The following NAALADL2 variants were observed in gnomAD, a reference collection of about 807,000 sequenced individuals.
NAALADL2 encodes the protein N-acetylated alpha-linked acidic dipeptidase like 2, also known as inactive N-acetylated-alpha-linked acidic dipeptidase-like protein 2.
A neutral mutation model predicts 87.2 loss-of-function variants in NAALADL2; 76 were observed. The observed-to-expected ratio is 0.87, with a 90% CI of 0.72 to 1.05. The LOEUF is 1.05. NAALADL2 is among the 50% of genes least tolerant of loss of function. The probability of loss-of-function intolerance (pLI) is 0.00; values close to 1 mark genes in which losing one functional copy is unlikely to be tolerated. For synonymous variants in NAALADL2, 354 were observed against 331.0 expected, an observed-to-expected ratio of 1.07 and a Z score of -0.75; for missense variants, 1,089 against 945.8, an observed-to-expected ratio of 1.15 and a Z score of -1.99.
intron 4 of NAALADL2, among the ~76,000 whole-genome samples, chr3:175,268,876 C>G (rs1485408882): frequency 6.6e-6 from 1 of 151,888 alleles, no homozygotes; most frequent in Non-Finnish European, 1.5e-5. Context: ...CCTATGATAA[C>G]AATACCTTCT....
intron 2 of NAALADL2, among the ~76,000 whole-genome samples, chr3:174,672,203 A>G (rs564336612): frequency 6.6e-6 from 1 of 152,156 alleles, no homozygotes; most frequent in South Asian, 2.1e-4. Context: ...CATTGGGACA[A>G]TAGCTAAACT....
chr3:175,631,865 T>G (rs1023559963), intron 11 of NAALADL2, among the ~76,000 whole-genome samples: 2 of 152,044 alleles, frequency 1.3e-5, no homozygotes, highest in Admixed American at 6.6e-5. Context: ...GTTTCAACAT[T>G]TATCTCCTAA....
chr3:174,609,842 G>A lies in NAALADL2; in HGVS notation c.-115+59205G>A, dbSNP rs1283696111. Among the ~76,000 whole-genome samples the A allele has an allele frequency of 2.6e-5, 4 of 152,220 alleles. No individual in the cohort carries two copies. The East Asian group carries it at 7.7e-4, about 29-fold the overall frequency. On this transcript the variant is annotated intron_variant, in intron 2 of 3. Coordinates refer to the NAALADL2 transcript ENST00000434257. ...TAAGTTCATATGGAACCAAAAAAGAGCCCGCATCGCCAAGTCAATCCTAAG... is the reference window on the plus strand; with the variant it reads ...TAAGTTCATATGGAACCAAAAAAGAACCCGCATCGCCAAGTCAATCCTAAG...
chr3:175,562,205 G>A (rs1274148584), intron 9 of NAALADL2, among the ~76,000 whole-genome samples: 1 of 152,096 alleles, frequency 6.6e-6, no homozygotes, highest in Non-Finnish European at 1.5e-5. Context: ...AGAAACTATG[G>A]TGGAAATGTT....
chr3:175,394,841 G>A (rs1424870287), intron 5 of NAALADL2, among the ~76,000 whole-genome samples: 3 of 152,132 alleles, frequency 2.0e-5, no homozygotes, highest in Admixed American at 2.0e-4. Context: ...AGTCTGAGGT[G>A]CAACAGCAAA....
intron 9 of NAALADL2, among the ~76,000 whole-genome samples, chr3:175,560,485 A>T (rs1462081965): frequency 6.7e-6 from 1 of 150,310 alleles, no homozygotes; most frequent in Non-Finnish European, 1.5e-5. Context: ...TTCTGCTCTG[A>T]TCTTTATTAT....
At chr3:174,900,860 A>C (rs1181736125) in intron 1 of NAALADL2, among the ~76,000 whole-genome samples, 2 of 152,118 alleles carry the variant, frequency 1.3e-5, no homozygotes, top group Admixed American at 1.3e-4. Flanking sequence ...AGTAAAATAC[A>C]TATCAGTAAG....
intron 3 of NAALADL2, among the ~76,000 whole-genome samples, chr3:174,847,153 C>T (rs1417311922): frequency 6.6e-6 from 1 of 152,118 alleles, no homozygotes; most frequent in Non-Finnish European, 1.5e-5. Flanking sequence ...TACCTAAGCA[C>T]AAAAGAATCT....
chr3:175,492,273 A>G (rs139514494), intron 9 of NAALADL2, among the ~76,000 whole-genome samples: 2 of 152,244 alleles, frequency 1.3e-5, no homozygotes, highest in Admixed American at 1.3e-4. Flanking sequence ...ATTGCTGCTC[A>G]TTCTTTAGTG....
intron 2 of NAALADL2, among the ~76,000 whole-genome samples, chr3:175,231,607 A>T (rs1334208968): frequency 6.6e-6 from 1 of 152,066 alleles, no homozygotes; most frequent in Non-Finnish European, 1.5e-5. Context: ...TTGCACCATA[A>T]AGCAACTGAG....
intron 3 of NAALADL2, among the ~76,000 whole-genome samples, chr3:174,812,497 G>A (rs1720326993): frequency 6.6e-6 from 1 of 152,114 alleles, no homozygotes; most frequent in Non-Finnish European, 1.5e-5. Context: ...CCTGGTTTAT[G>A]TATTTAATAT....
chr3:174,896,377 T>C (rs1481333553), intron 1 of NAALADL2, among the ~76,000 whole-genome samples: 1 of 151,960 alleles, frequency 6.6e-6, no homozygotes, highest in East Asian at 1.9e-4. Flanking sequence ...TTGTTCACAA[T>C]GATGAACAAT....
chr3:175,453,353 C>A lies in NAALADL2; in HGVS notation c.1234+5981C>A, dbSNP rs115772587. Reference sequence around the variant, plus strand: ...CTTTGTGTTTCTATATTCTGCTATTCCTTGCAAGTATCCAATATTTCTCCT... The same window carrying A: ...CTTTGTGTTTCTATATTCTGCTATTACTTGCAAGTATCCAATATTTCTCCT... On this transcript the variant is annotated intron_variant, in intron 6 of 13. Transcript: ENST00000454872. Among the ~76,000 whole-genome samples, 899 of 152,188 alleles carry A rather than the reference C, an allele frequency of 5.9e-3. 13 individuals are homozygous for A. The highest frequency in any genetic ancestry group is 0.02 in the African/African-American group (845 of 41,540).
chr3:174,818,081 G>A (rs935152016), intron 3 of NAALADL2, among the ~76,000 whole-genome samples: 1 of 152,198 alleles, frequency 6.6e-6, no homozygotes, highest in South Asian at 2.1e-4. Flanking sequence ...TGTTAGTACC[G>A]GGTTGCAGGC....
At chr3:174,858,979 G>A (rs146133361), upstream of NAALADL2, among the ~76,000 whole-genome samples, 25 of 152,062 alleles carry the variant, frequency 1.6e-4, no homozygotes, top group Admixed American at 1.3e-3. Context: ...AATAAATGTC[G>A]TGTAATACAC....
intron 13 of NAALADL2, among the ~76,000 whole-genome samples, chr3:175,774,759 T>C (rs531235796): frequency 6.6e-6 from 1 of 152,134 alleles, no homozygotes; most frequent in Admixed American, 6.5e-5. Context: ...GTATAAAGTG[T>C]GCATTTGATT....
chr3:175,562,420 A>G (rs1418833204), intron 9 of NAALADL2, among the ~76,000 whole-genome samples: 3 of 152,052 alleles, frequency 2.0e-5, no homozygotes, highest in African/African-American at 7.2e-5. Flanking sequence ...TATATATTAT[A>G]TGACATATTT....
At chr3:174,751,945 T>C (rs766639477) in intron 3 of NAALADL2, among the ~76,000 whole-genome samples, 1 of 152,072 alleles carries the variant, frequency 6.6e-6, no homozygotes, top group Non-Finnish European at 1.5e-5. Flanking sequence ...TTTAGAAGCA[T>C]TGGAATTGCC....
intron 10 of NAALADL2, among the ~76,000 whole-genome samples, chr3:175,608,423 A>G (rs1459500289): frequency 8.6e-5 from 13 of 151,818 alleles, no homozygotes; most frequent in Non-Finnish European, 1.6e-4. Context: ...TCTGCACAAT[A>G]TGTTCCGTGT....
Sources: gnomAD v4.1 joint callset for allele counts (sites outside exome capture counted in the v4.1 genomes callset) on GRCh38, gnomAD v4.1.1 for gene constraint, MANE v1.5 for transcripts, NCBI Gene and HGNC (gene_info 2026-07-23, HGNC 2026-07-21) for gene names.